The following L3MBTL4 variants were observed in gnomAD, a reference collection of about 807,000 sequenced individuals.
L3MBTL4 encodes the protein L3MBTL histone methyl-lysine binding protein 4.
L3MBTL4 carries 70 observed loss-of-function variants against 84.5 expected under a neutral mutation model. The ratio of observed to expected loss-of-function variants is 0.83; its 90% CI spans 0.68 to 1.01. L3MBTL4 has a LOEUF of 1.01. Ranked by LOEUF, L3MBTL4 falls within the 50% of genes least tolerant of loss-of-function variation. The pLI is 0.00. For missense variants in L3MBTL4, 715 were observed against 754.8 expected, an observed-to-expected ratio of 0.95 and a Z score of 0.62; for synonymous variants, 274 against 259.8, an observed-to-expected ratio of 1.05 and a Z score of -0.52.
intron 16 of L3MBTL4, among the ~76,000 whole-genome samples, chr18:6,067,706 A>G (rs928119821): frequency 2.0e-5 from 3 of 152,090 alleles, no homozygotes; most frequent in African/African-American, 7.2e-5. Flanking sequence ...TAAAAAAAAA[A>G]TTTCTTTATG....
chr18:6,399,232 G>A lies in L3MBTL4; in HGVS notation c.-91+15569C>T, dbSNP rs149656661. Among the ~76,000 whole-genome samples, 1,417 of 152,240 alleles carry A rather than the reference G, an allele frequency of 9.3e-3. 22 individuals carry two copies. The highest frequency in any genetic ancestry group is 0.032 in the African/African-American group (1,340 of 41,542). ...AGGAGGGGAGATCACGAGGTCAGGC[G>A]TTCAAGACCAGCCTGACCAATATGG... is the stretch of plus-strand genomic sequence containing the variant. On this transcript the variant is annotated intron_variant, in intron 1 of 18. Transcript: ENST00000317931.
At chr18:6,222,168 G>T (rs561235882) in intron 10 of L3MBTL4, among the ~76,000 whole-genome samples, 2 of 152,278 alleles carry the variant, frequency 1.3e-5, no homozygotes, top group African/African-American at 4.8e-5. Flanking sequence ...AACAATTAAA[G>T]TTAAAATATC....
Position 6,208,072 on chromosome 18 carries a change from G to A in L3MBTL4, c.981+5077C>T, listed in dbSNP as rs182728250. Among the ~76,000 whole-genome samples the A allele has an allele frequency of 2.6e-5, 4 of 151,896 alleles. No homozygotes were observed. In the East Asian group the frequency reaches 7.7e-4, roughly 29 times the overall value. On this transcript the variant is annotated intron_variant, in intron 12 of 18. Transcript: ENST00000317931. ...CAAGGCTGCGGCAGGCCATGATTGT[G>A]CCACTGCACTTTAGCCTAGGCGACA...
At chr18:6,162,647 G>A (rs2043398997) in intron 13 of L3MBTL4, among the ~76,000 whole-genome samples, 1 of 152,136 alleles carries the variant, frequency 6.6e-6, no homozygotes, top group South Asian at 2.1e-4. Context: ...AAGATGATTG[G>A]ATGTGATTGT....
chr18:5,996,035 T>G (rs113732729), intron 16 of L3MBTL4, among the ~76,000 whole-genome samples: 19 of 152,332 alleles, frequency 1.2e-4, no homozygotes, highest in African/African-American at 4.3e-4. Context: ...ATATTTTGCT[T>G]TTATTATTAT....
intron 6 of L3MBTL4, among the ~76,000 whole-genome samples, chr18:6,243,824 T>C (rs2047549131): frequency 6.6e-6 from 1 of 152,168 alleles, no homozygotes; most frequent in African/African-American, 2.4e-5. Flanking sequence ...AAAGCACAAC[T>C]AAAATAAGCA....
chr18:5,967,708 T>A (rs2052422494), intron 17 of L3MBTL4, among the ~76,000 whole-genome samples: 1 of 152,130 alleles, frequency 6.6e-6, no homozygotes, highest in Admixed American at 6.5e-5. Context: ...AGACCGAGGA[T>A]CCGCAAGAGT....
intron 16 of L3MBTL4, among the ~76,000 whole-genome samples, chr18:5,997,562 CT>C (rs1395177152): frequency 2.6e-5 from 4 of 152,198 alleles, no homozygotes; most frequent in Non-Finnish European, 4.4e-5. Context: ...TAATCAGAGA[CT>C]CAAAAGAATG....
intron 16 of L3MBTL4, among the ~76,000 whole-genome samples, chr18:5,997,651 T>C (rs2054035285): frequency 6.6e-6 from 1 of 152,100 alleles, no homozygotes; most frequent in African/African-American, 2.4e-5. Flanking sequence ...GGAACCAATG[T>C]AAATCTTACA....
chr18:6,199,899 C>T (rs2045577065), intron 12 of L3MBTL4, among the ~76,000 whole-genome samples: 1 of 152,180 alleles, frequency 6.6e-6, no homozygotes, highest in East Asian at 1.9e-4. Flanking sequence ...GCTCTCACTG[C>T]AATACCCAGG....
chr18:6,271,012 G>A (rs937695734), intron 4 of L3MBTL4, among the ~76,000 whole-genome samples: 22 of 152,198 alleles, frequency 1.4e-4, no homozygotes, highest in African/African-American at 5.1e-4. Flanking sequence ...ACAAAGGGGG[G>A]CATGCAGTGC....
At chr18:6,357,586 T>C (rs2053502045) in intron 1 of L3MBTL4, among the ~76,000 whole-genome samples, 1 of 152,188 alleles carries the variant, frequency 6.6e-6, no homozygotes, top group Non-Finnish European at 1.5e-5. Flanking sequence ...TGCCAGGTTT[T>C]AAATCACTCT....
intron 16 of L3MBTL4, among the ~76,000 whole-genome samples, chr18:5,992,226 G>A (rs2053734211): frequency 6.6e-6 from 1 of 152,172 alleles, no homozygotes; most frequent in South Asian, 2.1e-4. Context: ...CGGGAGGGGA[G>A]GTTTGAGCTG....
At chr18:6,174,956 AG>A (rs2044160017) in intron 12 of L3MBTL4, among the ~76,000 whole-genome samples, 1 of 152,116 alleles carries the variant, frequency 6.6e-6, no homozygotes, top group South Asian at 2.1e-4. Context: ...TTTGGATTCT[AG>A]AAGGAGAGGA....
At chr18:6,018,959 T>G (rs983418364) in intron 16 of L3MBTL4, among the ~76,000 whole-genome samples, 1 of 152,168 alleles carries the variant, frequency 6.6e-6, no homozygotes, top group African/African-American at 2.4e-5. Flanking sequence ...TGAAAGTGGT[T>G]GATAGAAATG....
intron 4 of L3MBTL4, among the ~76,000 whole-genome samples, chr18:6,267,205 A>G (rs2048673351): frequency 6.6e-6 from 1 of 152,226 alleles, no homozygotes; most frequent in East Asian, 1.9e-4. Flanking sequence ...AAAAGCATGG[A>G]CATTAATATT....
chr18:6,373,930 G>T (rs576545380), intron 1 of L3MBTL4, among the ~76,000 whole-genome samples: 5 of 152,054 alleles, frequency 3.3e-5, no homozygotes, highest in Admixed American at 2.0e-4. Context: ...AATTATTGGG[G>T]TTTTTTTAAG....
At chr18:6,151,455 C>G (rs993207230) in intron 13 of L3MBTL4, among the ~76,000 whole-genome samples, 9 of 152,124 alleles carry the variant, frequency 5.9e-5, no homozygotes, top group African/African-American at 1.9e-4. Context: ...TGCAGTGGCA[C>G]GATCTCGACT....
intron 1 of L3MBTL4, among the ~76,000 whole-genome samples, chr18:6,390,509 A>G (rs907396531): frequency 6.6e-6 from 1 of 152,148 alleles, no homozygotes; most frequent in Non-Finnish European, 1.5e-5. Flanking sequence ...TGAAAAACAA[A>G]GATACAAAAG....
Sources: gnomAD v4.1 joint callset for allele counts (sites outside exome capture counted in the v4.1 genomes callset) on GRCh38, gnomAD v4.1.1 for gene constraint, MANE v1.5 for transcripts, NCBI Gene and HGNC (gene_info 2026-07-23, HGNC 2026-07-21) for gene names.